The following TENM3 variants were observed in gnomAD, a reference collection of about 807,000 sequenced individuals.
TENM3 encodes teneurin-3.
In TENM3, 63 loss-of-function variants were observed where a neutral mutation model predicts 255.1. That is an observed-to-expected ratio of 0.25 (90% confidence interval 0.20 to 0.30). TENM3 has a LOEUF of 0.30. Ranked by LOEUF, TENM3 falls within the 10% of genes least tolerant of loss-of-function variation. The pLI, the probability that TENM3 is intolerant of heterozygous loss-of-function variation, is 1.00. For synonymous variants in TENM3, 1,306 were observed against 1,322.3 expected, an observed-to-expected ratio of 0.99 and a Z score of 0.27; for missense variants, 2,929 against 3,461.1, an observed-to-expected ratio of 0.85 and a Z score of 3.86.
chr4:181,448,615 T>G, the TENM3 span, among the ~76,000 whole-genome samples: 11 of 152,130 alleles, frequency 7.2e-5, no homozygotes, highest in Non-Finnish European at 1.6e-4. Flanking sequence ...GGAAAATCTG[T>G]TGTATATTAG....
At chr4:182,144,247 G>C (rs1364669188), upstream of TENM3, 1 of 150,464 alleles carries the variant, frequency 6.6e-6, no homozygotes, top group Admixed American at 6.6e-5. Flanking sequence ...TACGCGCCCG[G>C]GCTCGGGCAC....
chr4:181,737,544 A>T, the TENM3 span, among the ~76,000 whole-genome samples: 1 of 152,136 alleles, frequency 6.6e-6, no homozygotes, highest in Non-Finnish European at 1.5e-5. Context: ...TCAGGGGGAA[A>T]AAAACGCTGA....
chr4:181,978,819 T>C, the TENM3 span, among the ~76,000 whole-genome samples: 4,145 of 151,022 alleles, frequency 0.027, 83 homozygotes, highest in South Asian at 0.076. Context: ...ACGTATGAAA[T>C]AAAGGGCCAG....
chr4:182,447,510 AATGAGGAAAGC>A (rs1773028712), intron 3 of TENM3, among the ~76,000 whole-genome samples: 1 of 152,192 alleles, frequency 6.6e-6, no homozygotes, highest in Admixed American at 6.5e-5. Flanking sequence ...GAATCATGGG[AATGAGGAAAGC>A]ATTTTGTCTT....
chr4:181,608,827 CA>C, the TENM3 span, among the ~76,000 whole-genome samples: 1 of 152,174 alleles, frequency 6.6e-6, no homozygotes, highest in Non-Finnish European at 1.5e-5. Context: ...TGGAGCCTGA[CA>C]TTGGAAAAGC....
At chr4:182,014,606 C>CATTAGACTAA in the TENM3 span, among the ~76,000 whole-genome samples, 148,898 of 152,014 alleles carry the variant, frequency 0.98, 72,998 homozygotes, top group East Asian at 1. Flanking sequence ...CTCAGCGGCA[C>CATTAGACTAA]ATTAGATTTA....
At position 182,799,980 on chromosome 4, in the gene TENM3, G is replaced by C. The variant is rs147863067; in HGVS notation, c.7729G>C (p.Val2577Leu). Residue 2577 changes from valine to leucine, a missense_variant, in exon 28 of 28, where the codon GTG becomes CTG. Val to Leu is a conservative substitution (Grantham distance 32). Coordinates refer to ENST00000511685, the MANE Select transcript of TENM3 (RefSeq NM_001080477.4). This position sits in a 1 kb window ranked among gnomAD's most constrained non-coding sequence, Gnocchi z 4.2. Reference protein sequence around the residue: ...GRKALENGINVTVSQSTTVVN... With the variant: ...GRKALENGINLTVSQSTTVVN... ...CAAGGCGCTGGAGAACGGCATCAAC[G>C]TGACGGTGTCGCAGTCCACCACGGT... The C allele has an allele frequency of 1.5e-5, 24 of 1,592,114 alleles. No homozygotes were observed. The highest frequency in any genetic ancestry group is 1.8e-5 in the Non-Finnish European group (21 of 1,170,144).
At chr4:182,190,895 A>G (rs1277153499) in intron 1 of TENM3, among the ~76,000 whole-genome samples, 1 of 152,138 alleles carries the variant, frequency 6.6e-6, no homozygotes, top group African/African-American at 2.4e-5. Context: ...ACTCTGCTTC[A>G]TATCCCTGAT....
chr4:182,211,954 G>A (rs1045713675), intron 1 of TENM3, among the ~76,000 whole-genome samples: 2 of 152,216 alleles, frequency 1.3e-5, no homozygotes, highest in African/African-American at 4.8e-5. Flanking sequence ...TGGAAAGTAC[G>A]TAGCCCAGAG....
At chr4:182,765,398 A>T (rs980417019) in intron 22 of TENM3, among the ~76,000 whole-genome samples, 3 of 152,136 alleles carry the variant, frequency 2.0e-5, no homozygotes, top group African/African-American at 7.2e-5. Flanking sequence ...TAATTTTTTG[A>T]AATCTTCAAA....
At chr4:182,796,903 A>C (rs1339577687) in intron 27 of TENM3, 136 bp downstream of exon 27, 3 of 590,598 alleles carry the variant, frequency 5.1e-6, no homozygotes, top group Non-Finnish European at 8.2e-6. Flanking sequence ...AAAAAAAACA[A>C]CACTTCCTCT....
chr4:182,104,605 G>C, the TENM3 span, among the ~76,000 whole-genome samples: 2 of 148,516 alleles, frequency 1.3e-5, no homozygotes, highest in Non-Finnish European at 3.0e-5. Context: ...TCTGCCTCCC[G>C]GGTTCAAGGG....
the TENM3 span, among the ~76,000 whole-genome samples, chr4:181,628,885 G>C: frequency 6.6e-6 from 1 of 152,146 alleles, no homozygotes; most frequent in South Asian, 2.1e-4. Context: ...GTCTTTGGTA[G>C]CTTGATGGGG....
At chr4:182,770,932 C>G (rs1764152237) in intron 22 of TENM3, among the ~76,000 whole-genome samples, 1 of 152,182 alleles carries the variant, frequency 6.6e-6, no homozygotes, top group Admixed American at 6.5e-5. Context: ...CCTTAGAAGG[C>G]ACAAATTCAG....
chr4:182,381,395 A>C (rs1767555493), intron 3 of TENM3, among the ~76,000 whole-genome samples: 1 of 152,178 alleles, frequency 6.6e-6, no homozygotes, highest in Non-Finnish European at 1.5e-5. Context: ...CGATACTGGG[A>C]TGAAGAGAAG....
the TENM3 span, among the ~76,000 whole-genome samples, chr4:182,064,447 G>A: frequency 1.1e-4 from 16 of 151,910 alleles, no homozygotes; most frequent in African/African-American, 2.9e-4. Context: ...GCGTGGTGGC[G>A]GGCGCCTGTA....
At chr4:182,356,824 G>A (rs1009761207) in intron 3 of TENM3, among the ~76,000 whole-genome samples, 23 of 150,804 alleles carry the variant, frequency 1.5e-4, no homozygotes, top group African/African-American at 5.4e-4. Flanking sequence ...CCACTAACTC[G>A]TCATCTAGCA....
chr4:182,229,368 C>T (rs1019583851), intron 1 of TENM3, among the ~76,000 whole-genome samples: 1 of 152,116 alleles, frequency 6.6e-6, no homozygotes, highest in African/African-American at 2.4e-5. Context: ...AATTGCTCAT[C>T]TATAAGCAGA....
chr4:182,291,055 A>G (rs940990482), intron 1 of TENM3, among the ~76,000 whole-genome samples: 3 of 151,456 alleles, frequency 2.0e-5, no homozygotes, highest in Non-Finnish European at 4.4e-5. Flanking sequence ...GCCTGACCTC[A>G]AGTGATCCTC....
Sources: allele counts gnomAD v4.1 joint callset (sites outside exome capture counted in the v4.1 genomes callset), GRCh38; gene constraint gnomAD v4.1.1; non-coding constraint Gnocchi (gnomAD v3.1); transcripts MANE v1.5; gene names NCBI Gene and HGNC (gene_info 2026-07-23, HGNC 2026-07-21).